Variants in OR1L8 observed in about 807,000 individuals in gnomAD.
OR1L8 encodes the protein olfactory receptor 1L8.
For missense variants in OR1L8, 330 were observed against 377.4 expected (o/e 0.87, Z 1.04); for synonymous variants, 148 against 147.0 (o/e 1.01, Z -0.05).
chr9:122,547,465 G>A, the OR1L8 span, among the ~76,000 whole-genome samples: 1 of 152,222 alleles, frequency 6.6e-6, no homozygotes, highest in Admixed American at 6.5e-5. Flanking sequence ...TGGGCTTTTA[G>A]TGTAACTATC....
intron 1 of OR1L8, among the ~76,000 whole-genome samples, chr9:122,582,568 A>T (rs920689872): frequency 6.6e-6 from 1 of 151,844 alleles, no homozygotes; most frequent in Admixed American, 6.6e-5. Context: ...ATTAAAAAAA[A>T]AATTAGCTGG....
At chr9:122,572,135 C>A (rs1829565351) in intron 4 of OR1L8, among the ~76,000 whole-genome samples, 1 of 152,160 alleles carries the variant, frequency 6.6e-6, no homozygotes, top group Admixed American at 6.5e-5. Flanking sequence ...AACTCACTCA[C>A]TAACATGATA....
intron 4 of OR1L8, among the ~76,000 whole-genome samples, chr9:122,569,680 ATT>A (rs769420991): frequency 3.2e-5 from 1 of 30,782 alleles, no homozygotes; most frequent in South Asian, 1.3e-3. Flanking sequence ...ATTTTATTTT[ATT>A]TTATTTTATT....
At chr9:122,571,072 T>C (rs1829538585) in intron 4 of OR1L8, among the ~76,000 whole-genome samples, 1 of 152,184 alleles carries the variant, frequency 6.6e-6, no homozygotes, top group Non-Finnish European at 1.5e-5. Flanking sequence ...TTTTCCTCAC[T>C]CTGATAAATT....
intron 1 of OR1L8, among the ~76,000 whole-genome samples, chr9:122,581,026 G>A (rs1344652280): frequency 3.9e-5 from 6 of 152,118 alleles, no homozygotes; most frequent in African/African-American, 1.4e-4. Context: ...AAAAGAATTC[G>A]ACTGAATATT....
At chr9:122,550,701 C>G in the OR1L8 span, among the ~76,000 whole-genome samples, 1 of 151,606 alleles carries the variant, frequency 6.6e-6, no homozygotes, top group Non-Finnish European at 1.5e-5. Flanking sequence ...ATTCCATATC[C>G]CTTCATGATA....
chr9:122,555,064 C>T, the OR1L8 span, among the ~76,000 whole-genome samples: 1 of 150,450 alleles, frequency 6.6e-6, no homozygotes. Context: ...TCAATTTCTT[C>T]TTTATAGCTA....
downstream of OR1L8, among the ~76,000 whole-genome samples, chr9:122,566,794 G>A (rs912091811): frequency 5.3e-5 from 8 of 152,046 alleles, no homozygotes; most frequent in African/African-American, 1.7e-4. Flanking sequence ...GTTTCTAGAC[G>A]AAGTATTAAA....
chr9:122,547,535 C>G, the OR1L8 span, among the ~76,000 whole-genome samples: 1 of 151,976 alleles, frequency 6.6e-6, no homozygotes, highest in Non-Finnish European at 1.5e-5. Flanking sequence ...CCCCTCCCAC[C>G]TTCCCATCCT....
At chr9:122,551,931 T>G in the OR1L8 span, among the ~76,000 whole-genome samples, 2 of 151,748 alleles carry the variant, frequency 1.3e-5, no homozygotes, top group Admixed American at 1.3e-4. Context: ...GTCTCAGAGT[T>G]TTTTATTATG....
the OR1L8 span, among the ~76,000 whole-genome samples, chr9:122,554,704 T>C: frequency 0.55 from 84,337 of 152,058 alleles, 24,006 homozygotes; most frequent in East Asian, 0.97. Flanking sequence ...GGTGTGAGTG[T>C]ACATCTAAGG....
downstream of OR1L8, among the ~76,000 whole-genome samples, chr9:122,565,338 G>T (rs562495002): frequency 6.6e-6 from 1 of 152,342 alleles, no homozygotes; most frequent in South Asian, 2.1e-4. Context: ...GACCTCAGAA[G>T]GGGAGGTTTT....
At chr9:122,548,075 C>A in the OR1L8 span, among the ~76,000 whole-genome samples, 1 of 152,122 alleles carries the variant, frequency 6.6e-6, no homozygotes, top group Non-Finnish European at 1.5e-5. Flanking sequence ...TGCTTATTAA[C>A]CATTTGTATG....
chr9:122,565,491 C>G (rs1829413323), downstream of OR1L8, among the ~76,000 whole-genome samples: 1 of 152,200 alleles, frequency 6.6e-6, no homozygotes, highest in Non-Finnish European at 1.5e-5. Context: ...AGCATGTACT[C>G]CCACTAACCA....
the OR1L8 span, chr9:122,554,198 A>G: frequency 2.1e-5 from 32 of 1,501,654 alleles, no homozygotes; most frequent in Non-Finnish European, 2.9e-5. Context: ...ATCTTGATCA[A>G]CCCCTCCCTG....
the OR1L8 span, among the ~76,000 whole-genome samples, chr9:122,556,544 C>A: frequency 6.6e-6 from 1 of 151,968 alleles, no homozygotes; most frequent in Non-Finnish European, 1.5e-5. Flanking sequence ...GGAGGGAGAG[C>A]ATTAGGACAA....
intron 4 of OR1L8, among the ~76,000 whole-genome samples, chr9:122,569,116 G>A (rs1300922018): frequency 6.6e-6 from 1 of 151,980 alleles, no homozygotes; most frequent in African/African-American, 2.4e-5. Context: ...ACTGTTGAAC[G>A]CAGTCAATAG....
chr9:122,570,214 C>G (rs112157252), intron 4 of OR1L8, among the ~76,000 whole-genome samples: 4,114 of 150,672 alleles, frequency 0.027, 153 homozygotes, highest in African/African-American at 0.09. Context: ...ATGGCTGGGT[C>G]AAATGGTATT....
At chr9:122,564,289 G>A (rs1021035696), downstream of OR1L8, among the ~76,000 whole-genome samples, 2 of 152,110 alleles carry the variant, frequency 1.3e-5, no homozygotes, top group African/African-American at 4.8e-5. Flanking sequence ...AATTCTAACT[G>A]TGGTTATGTC....
Sources: allele counts gnomAD v4.1 joint callset (sites outside exome capture counted in the v4.1 genomes callset), GRCh38; gene constraint gnomAD v4.1.1; transcripts MANE v1.5; gene names NCBI Gene and HGNC (gene_info 2026-07-23, HGNC 2026-07-21).